RPF2: variants seen among roughly 807,000 people sequenced by gnomAD.
The protein encoded by RPF2 is ribosome production factor 2 homolog, also known as brix domain containing 1.
Under a neutral mutation model 38.9 loss-of-function variants are expected in RPF2, and 21 were observed. The observed-to-expected ratio is 0.54, with a 90% CI of 0.38 to 0.78. The LOEUF (loss-of-function observed/expected upper bound fraction) is 0.78, where lower values mean the gene tolerates loss of function less well. Among genes scored for constraint, RPF2 ranks in the 30% least tolerant of loss-of-function variants. The pLI is 0.00. For synonymous variants in RPF2, 121 were observed against 126.2 expected, an observed-to-expected ratio of 0.96 and a Z score of 0.28; for missense variants, 314 against 358.1, an observed-to-expected ratio of 0.88 and a Z score of 0.99.
intron 8 of RPF2, among the ~76,000 whole-genome samples, chr6:111,016,512 G>T (rs1328071589): frequency 1.3e-5 from 2 of 151,266 alleles, no homozygotes. Flanking sequence ...CACAAAAATC[G>T]CTTGAACCTG....
At chr6:111,016,703 A>ATTTTTTTTTTTTTTTTTT (rs1772120486) in intron 8 of RPF2, among the ~76,000 whole-genome samples, 1 of 80,676 alleles carries the variant, frequency 1.2e-5, no homozygotes, top group African/African-American at 6.1e-5. Flanking sequence ...TTTTTTTTTA[A>ATTTTTTTTTTTTTTTTTT]TTGATCATTC....
intron 7 of RPF2, among the ~76,000 whole-genome samples, chr6:111,011,025 C>T (rs1477267072): frequency 6.6e-6 from 1 of 152,110 alleles, no homozygotes; most frequent in African/African-American, 2.4e-5. Context: ...GATGGGAAAA[C>T]AAACAGGGGC....
chr6:111,010,859 G>A (rs1325198315), intron 7 of RPF2, among the ~76,000 whole-genome samples: 2 of 150,900 alleles, frequency 1.3e-5, no homozygotes, highest in Non-Finnish European at 3.0e-5. Flanking sequence ...AATTTTTAGG[G>A]GAAAAAAAAA....
rs1435188261 is a variant in RPF2, at chr6:111,026,661, A to G, written c.*1079A>G. The G allele has an allele frequency of 2.6e-5, 4 of 152,198 alleles. No individual in the cohort carries two copies. In the East Asian group the frequency reaches 7.7e-4, roughly 29 times the overall value. The allele number at this position is 152,198 out of a possible 1,614,324, so 9.4% of individuals were successfully genotyped here. ...TGTAGAAGCCAGCCAAAGCCTAACTACTTGTTTTGAAAGTTTCTTGAAGAC... is the reference window on the plus strand; with the variant it reads ...TGTAGAAGCCAGCCAAAGCCTAACTGCTTGTTTTGAAAGTTTCTTGAAGAC... On this transcript the variant is annotated 3_prime_UTR_variant, in exon 10 of 10. Coordinates refer to ENST00000441448, the MANE Select transcript of RPF2 (RefSeq NM_032194.3).
At chr6:110,999,892 T>C (rs1436719327) in intron 6 of RPF2, 105 bp downstream of exon 6, 7 of 631,206 alleles carry the variant, frequency 1.1e-5, no homozygotes, top group Non-Finnish European at 2.0e-5. Flanking sequence ...TCAAGAACTT[T>C]GTGTTTTTAT....
chr6:111,016,589 C>T (rs572183302), intron 8 of RPF2, among the ~76,000 whole-genome samples: 12 of 142,956 alleles, frequency 8.4e-5, no homozygotes, highest in South Asian at 6.5e-4. Context: ...AGAGTGAGGG[C>T]GCTGAAAAAA....
chr6:111,027,327 A>AC lies in RPF2; in HGVS notation c.*1745_*1746insC, dbSNP rs1772350399. 1 of 152,196 alleles carries AC rather than the reference A, an allele frequency of 6.6e-6. No individual in the cohort carries two copies. The highest frequency in any genetic ancestry group is 2.4e-5 in the African/African-American group (1 of 41,452). The allele number at this position is 152,196 out of a possible 1,614,324, so 9.4% of individuals were successfully genotyped here. A position where few individuals can be genotyped will look rare whatever the true frequency, so the allele number is the denominator to read the frequency against. On this transcript the variant is annotated 3_prime_UTR_variant, in exon 10 of 10. Transcript: ENST00000441448. ...TTGATTATACGTTTAACCAAAGACCATACAGTCTCGTACCTGAATCAGACA... is the reference window on the plus strand; with the variant it reads ...TTGATTATACGTTTAACCAAAGACCACTACAGTCTCGTACCTGAATCAGACA...
At chr6:111,025,005 G>C (rs1316641644) in intron 9 of RPF2, among the ~76,000 whole-genome samples, 2 of 152,188 alleles carry the variant, frequency 1.3e-5, no homozygotes, top group African/African-American at 4.8e-5. Flanking sequence ...AGTTTTAAAA[G>C]ACAAGAAGAA....
chr6:111,005,179 G>T (rs573162066), intron 6 of RPF2, among the ~76,000 whole-genome samples: 1 of 152,202 alleles, frequency 6.6e-6, no homozygotes, highest in African/African-American at 2.4e-5. Flanking sequence ...AAGGTTCCGG[G>T]TTTGGAAGTA....
chr6:111,019,640 G>A (rs1772193773), intron 8 of RPF2, among the ~76,000 whole-genome samples: 1 of 152,098 alleles, frequency 6.6e-6, no homozygotes, highest in African/African-American at 2.4e-5. Flanking sequence ...GGGAGGCTGA[G>A]GCTGGAGAAT....
intron 4 of RPF2, among the ~76,000 whole-genome samples, chr6:110,994,722 G>T (rs1583261764): frequency 1.2e-5 from 1 of 83,966 alleles, no homozygotes. Context: ...TGGAGAATGG[G>T]ATGAGTATAT....
chr6:110,983,089 C>T (rs1418455736), intron 1 of RPF2, among the ~76,000 whole-genome samples: 2 of 152,070 alleles, frequency 1.3e-5, no homozygotes, highest in East Asian at 3.9e-4. Context: ...TCTTTTTCTT[C>T]CCAAAGTGTC....
At chr6:110,989,703 G>A (rs1181413855) in intron 3 of RPF2, among the ~76,000 whole-genome samples, 1 of 149,368 alleles carries the variant, frequency 6.7e-6, no homozygotes, top group Non-Finnish European at 1.5e-5. Context: ...TCGCCTCGCT[G>A]CAACCTCTGA....
At chr6:111,014,789 G>A (rs543906301) in intron 7 of RPF2, among the ~76,000 whole-genome samples, 6 of 152,164 alleles carry the variant, frequency 3.9e-5, no homozygotes, top group South Asian at 2.1e-4. Flanking sequence ...TATCCTTAGC[G>A]TGCAGTTCAC....
intron 6 of RPF2, among the ~76,000 whole-genome samples, chr6:111,005,955 A>C (rs918968249): frequency 1.3e-5 from 2 of 151,964 alleles, no homozygotes; most frequent in Non-Finnish European, 2.9e-5. Context: ...GACTACAGGC[A>C]CACTGCACCT....
intron 2 of RPF2, among the ~76,000 whole-genome samples, chr6:110,985,392 A>T (rs1771507402): frequency 6.6e-6 from 1 of 152,232 alleles, no homozygotes; most frequent in Admixed American, 6.5e-5. Context: ...GGTCTCCCTT[A>T]GTAAATTTAA....
In RPF2 at chr6:111,016,670, C is replaced by CTT. The variant is rs71021821; in HGVS notation, c.596+825_596+826dup. On this transcript the variant is annotated intron_variant, in intron 8 of 9. Coordinates refer to ENST00000441448, the MANE Select transcript of RPF2 (RefSeq NM_032194.3). ...TTAATGACATGCTGTAATTGTGGTT[C>CTT]TTTTTTTTTTTTCTTTCTTTTTTTT... 1.7e-4 allele frequency among the ~76,000 whole-genome samples: 21 copies of CTT among 122,166 alleles called. 1 individual carries two copies. In the South Asian group the frequency reaches 4.1e-3, roughly 24 times the overall value. The allele number at this position is 122,166 out of a possible 152,430, so 80.1% of individuals were successfully genotyped here.
At position 110,982,093 on chromosome 6, in the gene RPF2, A is replaced by T; in HGVS notation, c.-14A>T. ...TGCATGCCCCCTGGTTAAGAGTTGC[A>T]GGTAGCGGTAGCGATGGACACTCTG... On this transcript the variant is annotated 5_prime_UTR_variant, in exon 1 of 10. Transcript: ENST00000441448. The T allele has an allele frequency of 6.2e-7, 1 of 1,614,142 alleles. No homozygotes were observed. The highest frequency in any genetic ancestry group is 8.5e-7 in the Non-Finnish European group (1 of 1,179,960).
intron 4 of RPF2, among the ~76,000 whole-genome samples, chr6:110,996,025 T>C (rs555212530): frequency 6.6e-6 from 1 of 152,100 alleles, no homozygotes; most frequent in Admixed American, 6.6e-5. Flanking sequence ...ACTATGTTGC[T>C]CAGGCTGGTT....
Sources: allele counts gnomAD v4.1 joint callset (sites outside exome capture counted in the v4.1 genomes callset), GRCh38; gene constraint gnomAD v4.1.1; transcripts MANE v1.5; gene names NCBI Gene and HGNC (gene_info 2026-07-23, HGNC 2026-07-21).